Variants in CFAP54 observed in about 807,000 individuals in gnomAD.
CFAP54 encodes the protein cilia- and flagella-associated protein 54.
CFAP54 carries 290 observed loss-of-function variants against 370.4 expected under a neutral mutation model. That is an observed-to-expected ratio of 0.78 (90% CI 0.71 to 0.86). The LOEUF is 0.86. Ranked by LOEUF, CFAP54 falls within the 40% of genes least tolerant of loss-of-function variation. The pLI, the probability that CFAP54 is intolerant of heterozygous loss-of-function variation, is 0.00. For synonymous variants in CFAP54, 1,206 were observed against 1,236.5 expected, an observed-to-expected ratio of 0.98 and a Z score of 0.52; for missense variants, 3,399 against 3,528.7, an observed-to-expected ratio of 0.96 and a Z score of 0.93.
chr12:96,536,142 A>G (rs1383474781), intron 12 of CFAP54, among the ~76,000 whole-genome samples: 1 of 152,192 alleles, frequency 6.6e-6, no homozygotes, highest in African/African-American at 2.4e-5. Context: ...GGTTTGTTAC[A>G]TAAGTAAACA....
intron 43 of CFAP54, 22 bp from the exon 44 acceptor site, chr12:96,691,106 T>G: frequency 6.2e-7 from 1 of 1,606,230 alleles, no homozygotes; most frequent in Non-Finnish European, 8.5e-7. Flanking sequence ...GCTCTTTATA[T>G]TTCACTTTTT....
intron 29 of CFAP54, 90 bp from the exon 30 acceptor site, chr12:96,626,723 T>C: frequency 3.0e-6 from 2 of 666,610 alleles, no homozygotes; most frequent in East Asian, 6.1e-5. Context: ...ACTTGCCTGT[T>C]GGAACAAAAT....
At chr12:96,493,809 C>CA (rs985609284) in intron 1 of CFAP54, among the ~76,000 whole-genome samples, 4 of 150,666 alleles carry the variant, frequency 2.7e-5, no homozygotes, top group Non-Finnish European at 4.4e-5. Context: ...AACAAACAAA[C>CA]AAAAAAACAA....
chr12:96,730,117 C>T (rs1957903897), intron 50 of CFAP54, among the ~76,000 whole-genome samples: 1 of 152,158 alleles, frequency 6.6e-6, no homozygotes, highest in South Asian at 2.1e-4. Context: ...AGCTGCCTGC[C>T]AGGGACACAG....
chr12:96,704,823 T>C, intron 47 of CFAP54, 27 bp downstream of exon 47: 1 of 916,168 alleles, frequency 1.1e-6, no homozygotes, highest in Non-Finnish European at 1.6e-6. Flanking sequence ...TTTATAAACA[T>C]GGTTTTCCTA....
chr12:96,545,412 A>G (rs1455446489), intron 14 of CFAP54, among the ~76,000 whole-genome samples: 5 of 152,232 alleles, frequency 3.3e-5, no homozygotes, highest in Admixed American at 1.3e-4. Context: ...AAAAAGATAC[A>G]AAACTCTGAA....
chr12:96,820,639 G>C (rs1959022228), intron 65 of CFAP54, among the ~76,000 whole-genome samples: 1 of 152,122 alleles, frequency 6.6e-6, no homozygotes, highest in Admixed American at 6.5e-5. Context: ...CATGAATTAT[G>C]ATGCTTAATG....
At chr12:96,502,997 C>G (rs1955047474) in intron 2 of CFAP54, among the ~76,000 whole-genome samples, 1 of 151,632 alleles carries the variant, frequency 6.6e-6, no homozygotes, top group South Asian at 2.1e-4. Flanking sequence ...CTCTTTCTTC[C>G]TCTCTTCCTT....
At chr12:96,779,491 T>G (rs1321233511) in intron 60 of CFAP54, among the ~76,000 whole-genome samples, 1 of 152,094 alleles carries the variant, frequency 6.6e-6, no homozygotes, top group Non-Finnish European at 1.5e-5. Flanking sequence ...TGCACAGATG[T>G]ATGCATTTTT....
chr12:96,629,300 A>G lies in CFAP54; in HGVS notation c.4104-793A>G, dbSNP rs938086103. Among the ~76,000 whole-genome samples the G allele has an allele frequency of 3.3e-5, 5 of 152,096 alleles. No individual in the cohort carries two copies. In the East Asian group the frequency reaches 5.8e-4, roughly 18 times the overall value. On this transcript the variant is annotated intron_variant, in intron 30 of 67. Transcript: ENST00000524981. ...TATTCTCTATTATACACTGTATAAT[A>G]CATTTTATTATTATTTTTTTTGAGA...
intron 56 of CFAP54, among the ~76,000 whole-genome samples, chr12:96,755,403 A>G (rs1958242437): frequency 6.6e-6 from 1 of 152,094 alleles, no homozygotes; most frequent in South Asian, 2.1e-4. Context: ...ATGTTGTACA[A>G]TAGGTCTCCA....
intron 67 of CFAP54, among the ~76,000 whole-genome samples, chr12:96,873,997 A>G (rs926303171): frequency 3.3e-5 from 5 of 152,154 alleles, no homozygotes; most frequent in African/African-American, 1.2e-4. Flanking sequence ...TGTCTTCTCC[A>G]TACTCTCACT....
At chr12:96,745,855 G>A (rs1378104104) in intron 55 of CFAP54, among the ~76,000 whole-genome samples, 1 of 152,174 alleles carries the variant, frequency 6.6e-6, no homozygotes, top group Non-Finnish European at 1.5e-5. Flanking sequence ...TCCCTTGAAG[G>A]GACAGCATCT....
At chr12:96,490,040 C>A in intron 1 of CFAP54, 114 bp downstream of exon 1, 1 of 984,446 alleles carries the variant, frequency 1.0e-6, no homozygotes. Context: ...GACGCAGGGG[C>A]TGGCTGAAGG....
chr12:96,687,732 A>G (rs565073014), intron 42 of CFAP54, among the ~76,000 whole-genome samples: 112 of 152,230 alleles, frequency 7.4e-4, no homozygotes, highest in African/African-American at 2.6e-3. Flanking sequence ...ACACACACGC[A>G]CACACACACA....
At chr12:96,754,289 G>A (rs1022928760) in intron 56 of CFAP54, among the ~76,000 whole-genome samples, 1 of 152,072 alleles carries the variant, frequency 6.6e-6, no homozygotes, top group Non-Finnish European at 1.5e-5. Context: ...ATAAGTAAGA[G>A]ATACATACTC....
chr12:96,569,891 C>T (rs1031245100), intron 19 of CFAP54, among the ~76,000 whole-genome samples: 1 of 151,974 alleles, frequency 6.6e-6, no homozygotes. Flanking sequence ...AATTGTTTTT[C>T]CTATTTTGTA....
At chr12:96,767,870 G>A (rs1592750615) in intron 60 of CFAP54, among the ~76,000 whole-genome samples, 1 of 152,146 alleles carries the variant, frequency 6.6e-6, no homozygotes, top group African/African-American at 2.4e-5. Context: ...ATGAGGTGAT[G>A]AACAACATTT....
intron 26 of CFAP54, among the ~76,000 whole-genome samples, chr12:96,619,245 A>G (rs1424325422): frequency 6.6e-6 from 1 of 152,182 alleles, no homozygotes; most frequent in Non-Finnish European, 1.5e-5. Flanking sequence ...TGTCCCTAAT[A>G]TGTTGAGAAT....
Sources: allele counts gnomAD v4.1 joint callset (sites outside exome capture counted in the v4.1 genomes callset), GRCh38; gene constraint gnomAD v4.1.1; transcripts MANE v1.5; gene names NCBI Gene and HGNC (gene_info 2026-07-23, HGNC 2026-07-21).